Variants in NRG3 observed in about 807,000 individuals in gnomAD.
The protein encoded by NRG3 is neuregulin 3, also known as pro-neuregulin-3, membrane-bound isoform.
In NRG3, 31 loss-of-function variants were observed where a neutral mutation model predicts 66.9. That is an observed-to-expected ratio of 0.46 (90% CI 0.35 to 0.63). NRG3 has a LOEUF of 0.63. Among genes scored for constraint, NRG3 ranks in the 20% least tolerant of loss-of-function variants. The pLI is 0.00. For synonymous variants in NRG3, 393 were observed against 359.4 expected (o/e 1.09, Z -1.06); for missense variants, 910 against 878.9 (o/e 1.04, Z -0.45).
chr10:82,667,655 C>A (rs1214461072), intron 2 of NRG3, among the ~76,000 whole-genome samples: 1 of 152,100 alleles, frequency 6.6e-6, no homozygotes, highest in African/African-American at 2.4e-5. Context: ...GGGGCACCCC[C>A]AGCCAAGTGA....
At chr10:82,898,715 CTTTTTTTTTT>C (rs765058089) in intron 4 of NRG3, among the ~76,000 whole-genome samples, 2 of 89,396 alleles carry the variant, frequency 2.2e-5, no homozygotes, top group African/African-American at 4.6e-5. Context: ...GGAGTTTTAC[CTTTTTTTTTT>C]TTTTTTTTTT....
intron 3 of NRG3, among the ~76,000 whole-genome samples, chr10:82,817,967 G>T (rs543602054): frequency 6.6e-6 from 1 of 152,228 alleles, no homozygotes; most frequent in African/African-American, 2.4e-5. Flanking sequence ...TCAAGCCTGC[G>T]GTGGAAGAAA....
At chr10:82,101,021 A>T (rs2066696088) in intron 1 of NRG3, among the ~76,000 whole-genome samples, 1 of 152,040 alleles carries the variant, frequency 6.6e-6, no homozygotes, top group Admixed American at 6.6e-5. Context: ...GTTCTTTAGT[A>T]GATATAGAAC....
chr10:81,878,194 CAAGGAA>C, intron 1 of NRG3: 1 of 1,090,568 alleles, frequency 9.2e-7, no homozygotes, highest in Non-Finnish European at 1.3e-6. Context: ...CCCTCAGCCC[CAAGGAA>C]AAGAGGGGAA....
At chr10:82,315,261 CT>C (rs1197789832) in intron 1 of NRG3, among the ~76,000 whole-genome samples, 2 of 152,186 alleles carry the variant, frequency 1.3e-5, no homozygotes, top group South Asian at 2.1e-4. Context: ...GCCCGGAGTA[CT>C]TTTGAAACTC....
intron 1 of NRG3, among the ~76,000 whole-genome samples, chr10:82,332,834 C>G (rs1332831640): frequency 6.6e-6 from 1 of 152,092 alleles, no homozygotes; most frequent in Non-Finnish European, 1.5e-5. Flanking sequence ...AAATGATCTG[C>G]CAAATCCAAT....
chr10:82,638,131 G>A (rs568883115), intron 2 of NRG3, among the ~76,000 whole-genome samples: 42 of 152,108 alleles, frequency 2.8e-4, no homozygotes, highest in Non-Finnish European at 4.4e-4. Flanking sequence ...TAAGAAAAGA[G>A]GAAAAAAGAT....
chr10:82,896,729 G>A (rs1407573102), intron 4 of NRG3, among the ~76,000 whole-genome samples: 2 of 152,168 alleles, frequency 1.3e-5, no homozygotes, highest in Admixed American at 1.3e-4. Context: ...AAATTATATG[G>A]TTAGTAATCA....
At chr10:82,354,071 C>A (rs1415062962) in intron 1 of NRG3, among the ~76,000 whole-genome samples, 1 of 118,044 alleles carries the variant, frequency 8.5e-6, no homozygotes, top group Admixed American at 1.2e-4. Context: ...TCAGCCCTGT[C>A]TCAAACAGGC....
rs555686345 is a variant in NRG3, at chr10:82,366,196, T to C, written c.953+7328T>C. Among the ~76,000 whole-genome samples, 31 of 152,326 alleles carry C rather than the reference T, an allele frequency of 2.0e-4. 1 individual carries two copies. In the East Asian group the frequency reaches 5.4e-3, roughly 26 times the overall value. On this transcript the variant is annotated intron_variant, in intron 2 of 8. Coordinates refer to ENST00000372141, the MANE Select transcript of NRG3 (RefSeq NM_001010848.4). The stretch of plus-strand genomic sequence containing the variant: ...TTGCCCCAAAAGGCCAATGAAAGAA[T>C]TGAAAGCAACATATAGAAAACTATG...
At chr10:82,710,535 G>A (rs973349156) in intron 2 of NRG3, among the ~76,000 whole-genome samples, 5 of 126,738 alleles carry the variant, frequency 3.9e-5, no homozygotes, top group East Asian at 2.5e-4. Flanking sequence ...GCAGTGAGCC[G>A]AGATCGCACG....
chr10:82,167,239 T>C (rs2072154850), intron 1 of NRG3, among the ~76,000 whole-genome samples: 1 of 152,240 alleles, frequency 6.6e-6, no homozygotes, highest in South Asian at 2.1e-4. Flanking sequence ...GGAGATTTTA[T>C]TATTATTCAT....
At chr10:82,101,242 T>C (rs2066707489) in intron 1 of NRG3, among the ~76,000 whole-genome samples, 1 of 151,934 alleles carries the variant, frequency 6.6e-6, no homozygotes, top group South Asian at 2.1e-4. Flanking sequence ...TAGAGTTTCA[T>C]CAACTTTATT....
chr10:82,885,012 T>C (rs891402765), intron 4 of NRG3, among the ~76,000 whole-genome samples: 3 of 152,214 alleles, frequency 2.0e-5, no homozygotes, highest in African/African-American at 7.2e-5. Context: ...TATTTATTGT[T>C]TGCTGTAGAA....
At chr10:82,433,798 A>G (rs555742848) in intron 2 of NRG3, among the ~76,000 whole-genome samples, 2 of 152,216 alleles carry the variant, frequency 1.3e-5, no homozygotes, top group African/African-American at 2.4e-5. Context: ...GTTCTACTTC[A>G]TAGGTCTATA....
chr10:82,515,940 T>A, intron 2 of NRG3, among the ~76,000 whole-genome samples: 1 of 152,170 alleles, frequency 6.6e-6, no homozygotes, highest in East Asian at 1.9e-4. Context: ...ACAGGGCTGA[T>A]CATGCGTGCT....
At chr10:82,491,722 G>A (rs992287213) in intron 2 of NRG3, among the ~76,000 whole-genome samples, 1 of 151,942 alleles carries the variant, frequency 6.6e-6, no homozygotes, top group African/African-American at 2.4e-5. Flanking sequence ...GATCTTTACT[G>A]CCATTTAATG....
At chr10:82,460,069 T>C (rs1358362791) in intron 2 of NRG3, among the ~76,000 whole-genome samples, 1 of 152,208 alleles carries the variant, frequency 6.6e-6, no homozygotes. Context: ...CTCCGCTTTT[T>C]GCTGCCTACA....
intron 2 of NRG3, among the ~76,000 whole-genome samples, chr10:82,431,021 AG>A (rs2089772665): frequency 6.6e-6 from 1 of 152,198 alleles, no homozygotes; most frequent in African/African-American, 2.4e-5. Context: ...GGAATATGTT[AG>A]ACCTTTTCAA....
Sources: gnomAD v4.1 joint callset for allele counts (sites outside exome capture counted in the v4.1 genomes callset) on GRCh38, gnomAD v4.1.1 for gene constraint, MANE v1.5 for transcripts, NCBI Gene and HGNC (gene_info 2026-07-23, HGNC 2026-07-21) for gene names.